Variants in CYLC2 observed in about 807,000 individuals in gnomAD.
The protein encoded by CYLC2 is cylicin 2.
A neutral mutation model predicts 26.1 loss-of-function variants in CYLC2; 30 were observed. The observed-to-expected ratio is 1.15, with a 90% CI of 0.86 to 1.56. The LOEUF (loss-of-function observed/expected upper bound fraction) is 1.56. Among genes scored for constraint, CYLC2 ranks in the 40% most tolerant of loss-of-function variants. The probability of loss-of-function intolerance (pLI) is 0.00; values close to 1 mark genes in which losing one functional copy is unlikely to be tolerated. For synonymous variants in CYLC2, 158 were observed against 132.8 expected (o/e 1.19, Z -1.31); for missense variants, 498 against 394.4 (o/e 1.26, Z -2.23).
chr9:102,998,780 G>T (rs1413541991), intron 1 of CYLC2, among the ~76,000 whole-genome samples: 2 of 151,830 alleles, frequency 1.3e-5, no homozygotes, highest in Non-Finnish European at 2.9e-5. Flanking sequence ...AATCCAACTT[G>T]CTTTTCTCCA....
intron 6 of CYLC2, among the ~76,000 whole-genome samples, chr9:103,016,264 A>G (rs563042067): frequency 6.6e-6 from 1 of 152,042 alleles, no homozygotes; most frequent in Admixed American, 6.6e-5. Flanking sequence ...ATAAAAGCTG[A>G]TAAATTATTG....
chr9:103,012,673 T>G (rs1318643022), intron 6 of CYLC2, among the ~76,000 whole-genome samples: 1 of 152,064 alleles, frequency 6.6e-6, no homozygotes, highest in Non-Finnish European at 1.5e-5. Context: ...AATTGAGTTT[T>G]CTTATCAGGC....
intron 6 of CYLC2, among the ~76,000 whole-genome samples, chr9:103,014,421 AATAACATAATGTATATTACATAATAT>A (rs200199060): frequency 0.34 from 21,580 of 63,644 alleles, 2,947 homozygotes; most frequent in South Asian, 0.55. Context: ...AATGTAACAT[AATAACATAATGTATATTACATAATAT>A]ACATAATGTA....
At chr9:103,013,679 A>G (rs1453881997) in intron 6 of CYLC2, among the ~76,000 whole-genome samples, 1 of 111,024 alleles carries the variant, frequency 9.0e-6, no homozygotes, top group African/African-American at 3.7e-5. Flanking sequence ...AATAATATAT[A>G]TGATATATAA....
intron 6 of CYLC2, among the ~76,000 whole-genome samples, chr9:103,013,720 T>A (rs1280374038): frequency 2.7e-5 from 3 of 110,718 alleles, no homozygotes; most frequent in Non-Finnish European, 4.9e-5. Flanking sequence ...TTATATATAT[T>A]ATGCATTTTA....
intron 3 of CYLC2, 67 bp downstream of exon 3, chr9:103,003,330 ATAAG>A (rs1189870200): frequency 9.3e-6 from 12 of 1,286,662 alleles, no homozygotes; most frequent in Non-Finnish European, 1.2e-5. Flanking sequence ...TATAACCATA[ATAAG>A]TAATTATAAT....
chr9:103,005,861 A>T lies in CYLC2; in HGVS notation c.*183A>T. ...AGAGATTTATAAAAATATATAAGAA[A>T]GATGTTAAGAAAAATTAAGGGGGGA... On this transcript the variant is annotated 3_prime_UTR_variant, in exon 5 of 8. Transcript: ENST00000374798. The T allele has an allele frequency of 1.6e-6, 1 of 640,276 alleles. No individual in the cohort carries two copies. The highest frequency in any genetic ancestry group is 2.6e-6 in the Non-Finnish European group (1 of 390,834). The allele number at this position is 640,276 out of a possible 1,614,324, so 39.7% of individuals were successfully genotyped here. A position where few individuals can be genotyped will look rare whatever the true frequency, so the allele number is the denominator to read the frequency against.
chr9:103,005,469 A>G lies in CYLC2; in HGVS notation c.838A>G (p.Thr280Ala). 6.2e-7 allele frequency: 1 copy of G among 1,613,796 alleles called. No homozygotes were observed. Among genetic ancestry groups the G allele is most frequent in the Non-Finnish European group, 8.5e-7 (1 of 1,179,918 alleles). The change falls in exon 5 of 8, where the codon ACA (threonine) becomes GCA (alanine). Residue 280 changes from threonine to alanine, a missense_variant. By Grantham distance (58) the Thr-to-Ala change is moderately conservative. Coordinates refer to ENST00000374798, the MANE Select transcript of CYLC2 (RefSeq NM_001340.5). ...GAAAGATAAGAAGAAGCCCAGTAGT[A>G]CAGACAGTGACTCAAAGGATGATGT... ...GKKDKKKPSS[T>A]DSDSKDDVKK...
intron 1 of CYLC2, among the ~76,000 whole-genome samples, chr9:103,000,052 T>C (rs1003119249): frequency 4.6e-5 from 7 of 151,808 alleles, no homozygotes; most frequent in Non-Finnish European, 1.0e-4. Flanking sequence ...ATGTAAAACA[T>C]TGATTTTAAA....
Position 103,005,786 on chromosome 9 carries a change from T to A in CYLC2, c.*108T>A. Reference sequence around the variant, plus strand: ...TGAGAAAACAAGAGGCCTCAAAGAATTAAATAATTTTTAAAAGGTGGTAAA... The same window carrying A: ...TGAGAAAACAAGAGGCCTCAAAGAAATAAATAATTTTTAAAAGGTGGTAAA... On this transcript the variant is annotated 3_prime_UTR_variant, in exon 5 of 8. Coordinates refer to ENST00000374798, the MANE Select transcript of CYLC2 (RefSeq NM_001340.5). 8.4e-7 allele frequency: 1 copy of A among 1,191,242 alleles called. No homozygotes were observed. The highest frequency in any genetic ancestry group is 1.2e-6 in the Non-Finnish European group (1 of 847,824). 73.8% of individuals were successfully genotyped at this position (1,191,242 alleles called of 1,614,324 possible).
Position 103,004,972 on chromosome 9 carries a change from T to C in CYLC2, c.341T>C (p.Ile114Thr). Residue 114 changes from isoleucine (I) to threonine (T), a missense_variant, in exon 5 of 8, where the codon ATT (isoleucine) becomes ACT (threonine). Coordinates refer to ENST00000374798, the MANE Select transcript of CYLC2 (RefSeq NM_001340.5). ...TVEVDSKAAE[I>T]GKKGEDKTTQ... The stretch of plus-strand genomic sequence containing the variant: ...ATATTTGAATATTTATCCCCAGAAA[T>C]TGGTAAGAAAGGTGAAGACAAGACA... 1 of 1,579,002 alleles carries C rather than the reference T, an allele frequency of 6.3e-7. No individual in the cohort carries two copies. Among genetic ancestry groups the C allele is most frequent in the Non-Finnish European group, 8.5e-7 (1 of 1,170,808 alleles).
In CYLC2 at chr9:103,005,315, G is replaced by T. The variant is rs1306837834; in HGVS notation, c.684G>T (p.Lys228Asn). Residue 228 changes from lysine (K) to asparagine (N), a missense_variant, in exon 5 of 8, where the codon AAG becomes AAT. Coordinates refer to ENST00000374798, the MANE Select transcript of CYLC2 (RefSeq NM_001340.5). ...KKGKKDSKKG[K>N]DSAIELQAVK... ...GTAAAAAGGATTCAAAGAAGGGCAA[G>T]GATTCAGCCATAGAATTACAAGCTG... 1.2e-6 allele frequency: 2 copies of T among 1,613,514 alleles called. No homozygotes were observed. The highest frequency in any genetic ancestry group is 1.7e-6 in the Non-Finnish European group (2 of 1,179,902).
At chr9:103,003,490 G>T (rs1317811936) in intron 3 of CYLC2, among the ~76,000 whole-genome samples, 1 of 151,992 alleles carries the variant, frequency 6.6e-6, no homozygotes, top group Non-Finnish European at 1.5e-5. Context: ...TTGAAATGAG[G>T]CTAGTGCAAC....
chr9:103,011,947 C>CTTTTTTTTTTTTTTTTTTTTT (rs776460013), intron 5 of CYLC2, 35 bp from the exon 6 acceptor site: 1 of 64,122 alleles, frequency 1.6e-5, no homozygotes, highest in African/African-American at 6.1e-5. Flanking sequence ...AGATCATTCT[C>CTTTTTTTTTTTTTTTTTTTTT]TTTTTTTTTT....
At chr9:103,014,733 TATGTATATTATG>T (rs1829474564) in intron 6 of CYLC2, among the ~76,000 whole-genome samples, 1 of 87,560 alleles carries the variant, frequency 1.1e-5, no homozygotes, top group Admixed American at 1.6e-4. Context: ...GTAATATACG[TATGTATATTATG>T]CAATATACAT....
intron 2 of CYLC2, among the ~76,000 whole-genome samples, chr9:103,002,377 T>C (rs912179572): frequency 2.2e-5 from 3 of 139,310 alleles, no homozygotes; most frequent in African/African-American, 8.1e-5. Flanking sequence ...TTTTTTTTTT[T>C]TTTTTTGAGA....
chr9:103,003,318 A>G, intron 3 of CYLC2, 55 bp downstream of exon 3: 3 of 1,444,580 alleles, frequency 2.1e-6, no homozygotes, highest in Non-Finnish European at 1.9e-6. Context: ...CTTAGTAATA[A>G]TTATAACCAT....
chr9:103,013,618 AAT>A (rs1394836481), intron 6 of CYLC2, among the ~76,000 whole-genome samples: 1 of 109,802 alleles, frequency 9.1e-6, no homozygotes. Flanking sequence ...TTTTATATAT[AAT>A]ATGTTATATA....
At chr9:103,014,059 A>C (rs1489418949) in intron 6 of CYLC2, among the ~76,000 whole-genome samples, 1 of 118,600 alleles carries the variant, frequency 8.4e-6, no homozygotes, top group African/African-American at 3.4e-5. Context: ...ATATCTATTT[A>C]ATATTTCATA....
Sources: gnomAD v4.1 joint callset for allele counts (sites outside exome capture counted in the v4.1 genomes callset) on GRCh38, gnomAD v4.1.1 for gene constraint, MANE v1.5 for transcripts, NCBI Gene and HGNC (gene_info 2026-07-23, HGNC 2026-07-21) for gene names.